DNAH9: variants seen among roughly 807,000 people sequenced by gnomAD.
DNAH9 encodes dynein axonemal heavy chain 9, also known as DNAH9 variant protein.
DNAH9 carries 345 observed loss-of-function variants against 471.6 expected under a neutral mutation model. That is an observed-to-expected ratio of 0.73 (90% CI 0.67 to 0.80). DNAH9 has a LOEUF of 0.80. DNAH9 is among the 30% of genes least tolerant of loss of function. The probability of loss-of-function intolerance (pLI) is 0.00; values close to 1 mark genes in which losing one functional copy is unlikely to be tolerated. For missense variants in DNAH9, 5,407 were observed against 5,609.2 expected, an observed-to-expected ratio of 0.96 and a Z score of 1.15; for synonymous variants, 2,093 against 2,123.6, an observed-to-expected ratio of 0.99 and a Z score of 0.40.
intron 26 of DNAH9, among the ~76,000 whole-genome samples, chr17:11,712,294 A>C (rs8081172): frequency 0.95 from 142,344 of 150,062 alleles, 67,729 homozygotes; most frequent in Non-Finnish European, 0.99. Context: ...AATAATATTC[A>C]ATTTTATAGA....
At chr17:11,887,988 GTT>G (rs548088382) in intron 57 of DNAH9, among the ~76,000 whole-genome samples, 1 of 143,766 alleles carries the variant, frequency 7.0e-6, no homozygotes. Context: ...ATGGTTTTTT[GTT>G]TTTTTTTTTT....
intron 57 of DNAH9, among the ~76,000 whole-genome samples, chr17:11,888,176 G>T (rs1041452972): frequency 2.6e-5 from 4 of 151,852 alleles, no homozygotes; most frequent in Non-Finnish European, 4.4e-5. Context: ...AGTAGAGACG[G>T]GGTTTCACTG....
intron 43 of DNAH9, among the ~76,000 whole-genome samples, chr17:11,800,231 C>G (rs1340552921): frequency 6.6e-6 from 1 of 152,044 alleles, no homozygotes; most frequent in Non-Finnish European, 1.5e-5. Flanking sequence ...ATCCCTCCCA[C>G]AAGTCCTGCC....
At position 11,821,968 on chromosome 17, in the gene DNAH9, G is replaced by A. The variant is rs749464820; in HGVS notation, c.8756G>A (p.Ser2919Asn). Residue 2919 changes from serine to asparagine, a missense_variant, in exon 46 of 69, where the codon AGC becomes AAC. Around this residue, in one of 3 missense-constraint regions of DNAH9, gnomAD observed 4,636 missense variants for 4,900.3 expected, o/e 0.95. Transcript: ENST00000262442. ...YSDDEVENII[S>N]NVRNEVKSQG... ...GATGATGAAGTTGAAAACATCATAAGCAATGTGAGGAATGAAGTCAAGAGC... is the reference window on the plus strand; with the variant it reads ...GATGATGAAGTTGAAAACATCATAAACAATGTGAGGAATGAAGTCAAGAGC... The A allele has an allele frequency of 6.2e-7, 1 of 1,614,164 alleles. No homozygotes were observed. Among genetic ancestry groups the A allele is most frequent in the South Asian group, 1.1e-5 (1 of 91,080 alleles).
In DNAH9 at chr17:11,769,149, A is replaced by G; in HGVS notation, c.7372A>G (p.Ile2458Val). 1 of 1,614,104 alleles carries G rather than the reference A, an allele frequency of 6.2e-7. No individual in the cohort carries two copies. The highest frequency in any genetic ancestry group is 2.2e-5 in the East Asian group (1 of 44,894). The change falls in exon 38 of 69, where the codon ATC (isoleucine) becomes GTC (valine). Residue 2458 changes from isoleucine (I) to valine (V), a missense_variant. Coordinates refer to ENST00000262442, the MANE Select transcript of DNAH9 (RefSeq NM_001372.4). ...QACLVHTSETIRVCYFMERLM... is the reference protein window; with the variant it reads ...QACLVHTSETVRVCYFMERLM... ...GTGTTTGGTGCACACGAGTGAGACC[A>G]TCCGTGTGTGCTACTTCATGGAGCG...
At chr17:11,745,560 A>G (rs960248446) in intron 31 of DNAH9, among the ~76,000 whole-genome samples, 14 of 152,214 alleles carry the variant, frequency 9.2e-5, no homozygotes, top group Non-Finnish European at 4.4e-5. Flanking sequence ...AAGAAACCCG[A>G]CAACACGCAA....
rs58666134 is a variant in DNAH9 at position 11,838,454 on chromosome 17, C to A, written c.9507+3556C>A. Among the ~76,000 whole-genome samples, 829 of 151,980 alleles carry A rather than the reference C, an allele frequency of 5.5e-3. 10 individuals carry two copies. Among genetic ancestry groups the A allele is most frequent in the African/African-American group, 0.019 (773 of 41,422 alleles). On this transcript the variant is annotated intron_variant, in intron 49 of 68. Transcript: ENST00000262442. ...GAAGAAGGCATAGTGAACTGCCTGG[C>A]CAGGTAGGAAATAGGGAAGAGAAAC...
intron 19 of DNAH9, among the ~76,000 whole-genome samples, chr17:11,686,644 A>G (rs946853157): frequency 1.3e-5 from 2 of 152,232 alleles, no homozygotes; most frequent in African/African-American, 4.8e-5. Flanking sequence ...AATCTAAACT[A>G]TAAACAAAAA....
At chr17:11,739,464 G>T (rs956732533) in intron 29 of DNAH9, among the ~76,000 whole-genome samples, 1 of 152,074 alleles carries the variant, frequency 6.6e-6, no homozygotes, top group Non-Finnish European at 1.5e-5. Context: ...ATAAATTTAT[G>T]CATAATGCTG....
intron 11 of DNAH9, among the ~76,000 whole-genome samples, chr17:11,646,101 G>A (rs903893539): frequency 2.0e-5 from 3 of 151,726 alleles, no homozygotes; most frequent in African/African-American, 7.3e-5. Context: ...GGATTGTCTC[G>A]ATCTCCTGAC....
At chr17:11,902,331 G>A (rs1288835551) in intron 59 of DNAH9, among the ~76,000 whole-genome samples, 2 of 152,148 alleles carry the variant, frequency 1.3e-5, no homozygotes. Context: ...AACTGACAGG[G>A]TTTGGTGGCA....
At chr17:11,733,797 C>T (rs1360513174) in intron 28 of DNAH9, among the ~76,000 whole-genome samples, 2 of 145,032 alleles carry the variant, frequency 1.4e-5, no homozygotes, top group African/African-American at 5.2e-5. Context: ...GGAGGTGGAG[C>T]TTGCAGTGAG....
At chr17:11,709,221 G>A (rs1309519593) in intron 26 of DNAH9, among the ~76,000 whole-genome samples, 1 of 152,182 alleles carries the variant, frequency 6.6e-6, no homozygotes, top group Non-Finnish European at 1.5e-5. Flanking sequence ...ACTGTGAAAT[G>A]ATGCAAATAA....
intron 24 of DNAH9, among the ~76,000 whole-genome samples, chr17:11,701,767 C>G (rs1305042759): frequency 1.3e-5 from 2 of 152,194 alleles, no homozygotes; most frequent in Non-Finnish European, 2.9e-5. Flanking sequence ...CAACCTCCAC[C>G]TCCCAAGTTC....
chr17:11,680,804 G>A lies in DNAH9; in HGVS notation c.3658G>A (p.Val1220Met). 6.2e-7 allele frequency: 1 copy of A among 1,613,996 alleles called. No individual in the cohort carries two copies. Among genetic ancestry groups the A allele is most frequent in the Non-Finnish European group, 8.5e-7 (1 of 1,179,940 alleles). ...QQVAPLQANE[V>M]TLLRQRCTAF... ...GGTGGCCCCACTGCAGGCAAATGAA[G>A]TGACACTCCTCCGCCAGAGGTGCAC... Residue 1220 changes from valine to methionine, a missense_variant, in exon 19 of 69, where the codon GTG becomes ATG. By Grantham distance (21) the Val-to-Met change is conservative (BLOSUM62 1). Coordinates refer to ENST00000262442, the MANE Select transcript of DNAH9 (RefSeq NM_001372.4).
chr17:11,624,472 G>T (rs1461258631), intron 6 of DNAH9, among the ~76,000 whole-genome samples: 1 of 152,012 alleles, frequency 6.6e-6, no homozygotes, highest in Non-Finnish European at 1.5e-5. Context: ...TCGTGCCACA[G>T]CACTCCAGCG....
At chr17:11,966,288 G>A (rs1016598076) in intron 68 of DNAH9, among the ~76,000 whole-genome samples, 8 of 152,202 alleles carry the variant, frequency 5.3e-5, no homozygotes, top group African/African-American at 1.9e-4. Context: ...CCATGAAAGA[G>A]GAAGGCAGTA....
In DNAH9 at chr17:11,694,361, A is replaced by G. The variant is rs760003281; in HGVS notation, c.4786A>G (p.Thr1596Ala). 6.2e-7 allele frequency: 1 copy of G among 1,613,796 alleles called. No individual in the cohort carries two copies. Among genetic ancestry groups the G allele is most frequent in the South Asian group, 1.1e-5 (1 of 91,044 alleles). The change falls in exon 22 of 69, where the codon ACC (threonine) becomes GCC (alanine). Residue 1596 changes from threonine (T) to alanine (A), a missense_variant. Transcript: ENST00000262442. ...GAAGGCCCTGGCAGAGTACCTCGAC[A>G]CCAAGAGGCTTGCCTTCCCGCGGTT... ...CEKALAEYLD[T>A]KRLAFPRFYF...
chr17:11,823,233 G>C (rs1970375667), intron 48 of DNAH9, among the ~76,000 whole-genome samples, 199 bp downstream of exon 48: 1 of 152,112 alleles, frequency 6.6e-6, no homozygotes, highest in African/African-American at 2.4e-5. Flanking sequence ...TTGTAGGAGA[G>C]CTTTTCAAGT....
Sources: gnomAD v4.1 joint callset for allele counts (sites outside exome capture counted in the v4.1 genomes callset) on GRCh38, gnomAD v4.1.1 for gene constraint, gnomAD v4.1.1 regional missense constraint, MANE v1.5 for transcripts, NCBI Gene and HGNC (gene_info 2026-07-23, HGNC 2026-07-21) for gene names.